The following BSPH1 variants were observed in gnomAD, a reference collection of about 807,000 sequenced individuals.
BSPH1 encodes the protein binder of sperm protein homolog 1.
A neutral mutation model predicts 22.5 loss-of-function variants in BSPH1; 21 were observed. The ratio of observed to expected loss-of-function variants is 0.93; its 90% CI spans 0.66 to 1.35. The LOEUF (loss-of-function observed/expected upper bound fraction) is 1.35. BSPH1 is among the 40% of genes most tolerant of loss of function. The pLI is 0.00. For synonymous variants in BSPH1, 42 were observed against 53.6 expected (o/e 0.78, Z 0.95); for missense variants, 141 against 154.2 (o/e 0.91, Z 0.45).
At chr19:47,967,325 A>G (rs1481467734), downstream of BSPH1, among the ~76,000 whole-genome samples, 2 of 152,214 alleles carry the variant, frequency 1.3e-5, no homozygotes, top group African/African-American at 4.8e-5. Flanking sequence ...ATTCTTTGTT[A>G]TAGGAGACTG....
rs1804816029 is a variant in BSPH1, at chr19:47,976,756, T to C, written c.355A>G (p.Thr119Ala). ...EAFGKKWCSLTKNFNKDRIWK... is the reference protein window; with the variant it reads ...EAFGKKWCSLAKNFNKDRIWK... ...ATTCGGTCCTTGTTAAAATTCTTGG[T>C]CAGTGAACACCATTTTTTCCCAAAT... The change falls in exon 5 of 6, where the codon ACC becomes GCC. Residue 119 changes from threonine to alanine, a missense_variant. Physicochemically the swap from Thr to Ala is moderately conservative, Grantham distance 58 (BLOSUM62 0). Transcript: ENST00000344839. The C allele has an allele frequency of 6.4e-7, 1 of 1,551,854 alleles. No individual in the cohort carries two copies.
chr19:47,980,763 A>G (rs1190054577), intron 2 of BSPH1, among the ~76,000 whole-genome samples, 158 bp downstream of exon 2: 1 of 151,768 alleles, frequency 6.6e-6, no homozygotes, highest in Non-Finnish European at 1.5e-5. Flanking sequence ...TTTTCTTAAC[A>G]TTTTTAACAT....
At chr19:47,983,841 AT>A (rs57655745) in intron 1 of BSPH1, among the ~76,000 whole-genome samples, 22 of 148,032 alleles carry the variant, frequency 1.5e-4, no homozygotes, top group Admixed American at 1.4e-4. Context: ...TTGAAGAGAA[AT>A]TTTTTTTTTT....
intron 5 of BSPH1, among the ~76,000 whole-genome samples, chr19:47,973,207 A>C (rs1368251320): frequency 7.1e-6 from 1 of 140,530 alleles, no homozygotes; most frequent in East Asian, 2.0e-4. Context: ...TCAGAGCGAG[A>C]CTCCGTCTCA....
chr19:47,974,322 T>G (rs1017324030), intron 5 of BSPH1, among the ~76,000 whole-genome samples: 2 of 141,908 alleles, frequency 1.4e-5, no homozygotes, highest in African/African-American at 5.4e-5. Context: ...CAGGCTGGAG[T>G]GCAATGGCAC....
Position 47,985,613 on chromosome 19 carries a change from T to C in BSPH1, c.74-4672A>G, listed in dbSNP as rs146878141. Among the ~76,000 whole-genome samples the C allele has an allele frequency of 2.8e-3, 431 of 152,166 alleles. 1 individual carries two copies. The highest frequency in any genetic ancestry group is 9.5e-3 in the African/African-American group (396 of 41,488). On this transcript the variant is annotated intron_variant, in intron 1 of 5. Coordinates refer to ENST00000344839, the MANE Select transcript of BSPH1 (RefSeq NM_001128326.2). ...ACTATGGGAGGCCGAGGCGGGCAGATCACCTGAGGTCAGGAGTTCGAGACC... is the reference window on the plus strand; with the variant it reads ...ACTATGGGAGGCCGAGGCGGGCAGACCACCTGAGGTCAGGAGTTCGAGACC...
intron 5 of BSPH1, among the ~76,000 whole-genome samples, chr19:47,973,740 TGTTCTTGTTC>T (rs1406848963): frequency 6.6e-6 from 1 of 152,182 alleles, no homozygotes; most frequent in African/African-American, 2.4e-5. Flanking sequence ...GGCGCCATCT[TGTTCTTGTTC>T]CCGCCACTGC....
At chr19:47,969,684 G>GGGGA (rs1162877914) in intron 5 of BSPH1, among the ~76,000 whole-genome samples, 45 of 113,872 alleles carry the variant, frequency 4.0e-4, no homozygotes, top group African/African-American at 1.6e-3. Context: ...AGGGAGAGGG[G>GGGGA]GAGAGAGAGA....
At chr19:47,979,547 T>C (rs1969398788) in intron 3 of BSPH1, 23 bp downstream of exon 3, 1 of 1,189,944 alleles carries the variant, frequency 8.4e-7, no homozygotes, top group Non-Finnish European at 1.2e-6. Context: ...ACATTAATAA[T>C]CAAAGTTTTC....
intron 5 of BSPH1, among the ~76,000 whole-genome samples, chr19:47,972,099 G>T (rs1163499754): frequency 6.6e-6 from 1 of 152,100 alleles, no homozygotes; most frequent in African/African-American, 2.4e-5. Flanking sequence ...CCTGGGGTTT[G>T]CTCTATTAAA....
rs1434033865 is a variant in BSPH1, at chr19:47,980,945, A to G, written c.74-4T>C. 3 of 1,433,240 alleles carry G rather than the reference A, an allele frequency of 2.1e-6. No homozygotes were observed. Among genetic ancestry groups the G allele is most frequent in the African/African-American group, 2.9e-5 (2 of 67,964 alleles). The allele number at this position is 1,433,240 out of a possible 1,614,324, so 88.8% of individuals were successfully genotyped here. A position where few individuals can be genotyped will look rare whatever the true frequency, so the allele number is the denominator to read the frequency against. ...CCCACAGTTGATGATAATTCATCTG[A>G]AAAACACAATTTTGAACAAATATTT... On this transcript the variant is annotated splice_polypyrimidine_tract_variant and splice_region_variant and intron_variant, in intron 1 of 5. Coordinates refer to ENST00000344839, the MANE Select transcript of BSPH1 (RefSeq NM_001128326.2).
At chr19:47,971,765 A>G (rs575099276) in intron 5 of BSPH1, among the ~76,000 whole-genome samples, 1 of 152,202 alleles carries the variant, frequency 6.6e-6, no homozygotes, top group South Asian at 2.1e-4. Flanking sequence ...TATTGCCCTA[A>G]TTTTTAGCAT....
intron 5 of BSPH1, among the ~76,000 whole-genome samples, chr19:47,971,670 T>G (rs1267036089): frequency 6.6e-6 from 1 of 152,246 alleles, no homozygotes. Context: ...GACTTGATGT[T>G]CTCACTGTCC....
intron 1 of BSPH1, among the ~76,000 whole-genome samples, chr19:47,985,349 C>G (rs1969460857): frequency 6.6e-6 from 1 of 151,976 alleles, no homozygotes; most frequent in African/African-American, 2.4e-5. Context: ...GAAGCATTTA[C>G]AGTGTTGAGA....
chr19:47,977,601 A>T, intron 3 of BSPH1, 97 bp from the exon 4 acceptor site: 1 of 1,491,210 alleles, frequency 6.7e-7, no homozygotes, highest in South Asian at 1.4e-5. Context: ...TTGAAATCAG[A>T]GTCATTGGCT....
chr19:47,984,218 A>G (rs978656245), intron 1 of BSPH1, among the ~76,000 whole-genome samples: 3 of 147,058 alleles, frequency 2.0e-5, no homozygotes, highest in African/African-American at 7.4e-5. Context: ...TACATAAAAT[A>G]TAAATATATA....
At chr19:47,988,345 AC>A (rs1247417951) in intron 1 of BSPH1, among the ~76,000 whole-genome samples, 2 of 152,274 alleles carry the variant, frequency 1.3e-5, no homozygotes, top group East Asian at 1.9e-4. Flanking sequence ...TCTTCCAGCA[AC>A]CCTGGGAGTC....
chr19:47,989,306 C>T (rs983007215), intron 1 of BSPH1, among the ~76,000 whole-genome samples: 17 of 151,752 alleles, frequency 1.1e-4, no homozygotes, highest in African/African-American at 1.9e-4. Context: ...CCACCATGCC[C>T]GGCTAATTGT....
At chr19:47,982,708 G>A (rs1374256767) in intron 1 of BSPH1, among the ~76,000 whole-genome samples, 1 of 151,926 alleles carries the variant, frequency 6.6e-6, no homozygotes, top group Non-Finnish European at 1.5e-5. Flanking sequence ...GAACCCACAT[G>A]TCCGTGAGCA....
Sources: allele counts gnomAD v4.1 joint callset (sites outside exome capture counted in the v4.1 genomes callset), GRCh38; gene constraint gnomAD v4.1.1; transcripts MANE v1.5; gene names NCBI Gene and HGNC (gene_info 2026-07-23, HGNC 2026-07-21).